The following FAM110B variants were observed in gnomAD, a reference collection of about 807,000 sequenced individuals.
FAM110B encodes protein FAM110B.
FAM110B carries 6 observed loss-of-function variants against 20.4 expected under a neutral mutation model. The observed-to-expected ratio is 0.29, with a 90% CI of 0.16 to 0.58. The LOEUF is 0.58. Ranked by LOEUF, FAM110B falls within the 20% of genes least tolerant of loss-of-function variation. The pLI is 0.90. For missense variants in FAM110B, 434 were observed against 498.2 expected (o/e 0.87, Z 1.23); for synonymous variants, 226 against 214.1 (o/e 1.06, Z -0.49).
chr8:58,087,659 C>T (rs1259162441), intron 3 of FAM110B, among the ~76,000 whole-genome samples: 1 of 152,152 alleles, frequency 6.6e-6, no homozygotes, highest in East Asian at 1.9e-4. Flanking sequence ...GATTTTCAAA[C>T]CCTGTTCCCT....
chr8:58,089,141 A>G (rs188185244), intron 3 of FAM110B, among the ~76,000 whole-genome samples: 196 of 152,344 alleles, frequency 1.3e-3, no homozygotes, highest in African/African-American at 4.5e-3. Flanking sequence ...ACATTTTTGC[A>G]TCAGCCACAT....
chr8:58,141,800 C>T (rs1472076129), intron 3 of FAM110B, among the ~76,000 whole-genome samples: 1 of 152,202 alleles, frequency 6.6e-6, no homozygotes, highest in Non-Finnish European at 1.5e-5. Flanking sequence ...CCACATTCCC[C>T]ATGGCAGCCC....
At chr8:58,124,038 C>T (rs1024604366) in intron 3 of FAM110B, among the ~76,000 whole-genome samples, 1 of 152,186 alleles carries the variant, frequency 6.6e-6, no homozygotes, top group African/African-American at 2.4e-5. Flanking sequence ...GCCTACTTTA[C>T]CCTGTTTCCC....
intron 3 of FAM110B, among the ~76,000 whole-genome samples, chr8:58,109,429 T>C (rs1367535113): frequency 1.3e-5 from 2 of 152,192 alleles, no homozygotes; most frequent in African/African-American, 4.8e-5. Flanking sequence ...CCCCAGGGCT[T>C]ACTTTTTGGT....
chr8:58,021,991 G>C (rs1804765234), intron 1 of FAM110B, among the ~76,000 whole-genome samples: 1 of 152,180 alleles, frequency 6.6e-6, no homozygotes, highest in Admixed American at 6.5e-5. Context: ...CCAGTGTTGA[G>C]AGTTTCTGGG....
intron 1 of FAM110B, among the ~76,000 whole-genome samples, chr8:58,008,320 G>T (rs192462792): frequency 2.0e-5 from 3 of 151,596 alleles, no homozygotes; most frequent in Admixed American, 6.6e-5. Context: ...TTTAGTAGAG[G>T]CAGGGTTTCA....
In FAM110B at chr8:58,146,047, G is replaced by T. The variant is rs914919243; in HGVS notation, c.-184G>T. On this transcript the variant is annotated 5_prime_UTR_variant, in exon 4 of 4. Transcript: ENST00000519262. Reference sequence around the variant, plus strand: ...GGGCCGCCTGGAAGGGGAGAAAAGTGTATGAAAGCCACCGTGGCGGTTAAT... The same window carrying T: ...GGGCCGCCTGGAAGGGGAGAAAAGTTTATGAAAGCCACCGTGGCGGTTAAT... 9.3e-6 allele frequency: 6 copies of T among 644,556 alleles called. No homozygotes were observed. Among genetic ancestry groups the T allele is most frequent in the Admixed American group, 6.5e-5 (2 of 30,844 alleles). The allele number at this position is 644,556 out of a possible 1,614,324, so 39.9% of individuals were successfully genotyped here.
At chr8:58,032,151 A>AACTGGGAGTTC (rs1242278491) in intron 2 of FAM110B, 1 of 152,204 alleles carries the variant, frequency 6.6e-6, no homozygotes. Context: ...CAGCCCTCTG[A>AACTGGGAGTTC]ACTTGCCTGG....
Position 58,104,962 on chromosome 8 carries a change from GA to G in FAM110B, c.-325+29354del, listed in dbSNP as rs374878667. 7.1e-3 allele frequency among the ~76,000 whole-genome samples: 892 copies of G among 125,948 alleles called. 3 individuals carry two copies. The highest frequency in any genetic ancestry group is 0.033 in the Middle Eastern group (8 of 244). The allele number at this position is 125,948 out of a possible 152,430, so 82.6% of individuals were successfully genotyped here. ...TTTCTGTAGTAGCAGTTCTTTAAAG[GA>G]AAAAAAAAAAAAAAGGATTTCTTTT... On this transcript the variant is annotated intron_variant, in intron 3 of 3. Transcript: ENST00000519262.
Position 58,048,415 on chromosome 8 carries a change from C to G in FAM110B, c.-414+16712C>G, listed in dbSNP as rs192457919. On this transcript the variant is annotated intron_variant, in intron 2 of 3. Coordinates refer to ENST00000519262, the MANE Select transcript of FAM110B (RefSeq NM_001377989.1). ...GGGAATTTCCCATTATTGGGGTTTC[C>G]TCAGGCCCCAACCCTCCTGTCTCTT... Among the ~76,000 whole-genome samples the G allele has an allele frequency of 3.7e-4, 56 of 152,156 alleles. 1 individual carries two copies. The highest frequency in any genetic ancestry group is 4.4e-5 in the Non-Finnish European group (3 of 67,992).
chr8:57,998,710 A>G (rs1804232425), intron 1 of FAM110B, among the ~76,000 whole-genome samples: 1 of 152,232 alleles, frequency 6.6e-6, no homozygotes, highest in Admixed American at 6.5e-5. Flanking sequence ...TGCATGAAAG[A>G]TTTTGGGGAA....
At chr8:58,125,556 G>A (rs1807477489) in intron 3 of FAM110B, among the ~76,000 whole-genome samples, 1 of 152,000 alleles carries the variant, frequency 6.6e-6, no homozygotes, top group South Asian at 2.1e-4. Context: ...AAGACTTTTT[G>A]TTCAAAAAGA....
chr8:58,094,608 C>T (rs778897488), intron 3 of FAM110B, among the ~76,000 whole-genome samples: 3 of 152,136 alleles, frequency 2.0e-5, no homozygotes, highest in Non-Finnish European at 2.9e-5. Context: ...CCTACCTGAT[C>T]GTGATGGATA....
At chr8:58,041,316 TGTTCG>T (rs1805215750) in intron 2 of FAM110B, among the ~76,000 whole-genome samples, 2 of 152,182 alleles carry the variant, frequency 1.3e-5, no homozygotes, top group African/African-American at 4.8e-5. Context: ...TTAGTCGCAG[TGTTCG>T]TTCCAGCAAG....
chr8:58,070,957 C>A (rs994355693), intron 2 of FAM110B, among the ~76,000 whole-genome samples: 2 of 152,050 alleles, frequency 1.3e-5, no homozygotes, highest in East Asian at 1.9e-4. Context: ...TCCCATTCTG[C>A]CAGAGATATT....
At chr8:58,001,536 T>C (rs1240187191) in intron 1 of FAM110B, among the ~76,000 whole-genome samples, 1 of 152,188 alleles carries the variant, frequency 6.6e-6, no homozygotes, top group Non-Finnish European at 1.5e-5. Flanking sequence ...GTATTTTTCA[T>C]TCCAGGATTC....
chr8:58,027,755 G>A (rs35124619), intron 1 of FAM110B, among the ~76,000 whole-genome samples: 28,792 of 152,044 alleles, frequency 0.19, 3,838 homozygotes, highest in African/African-American at 0.37. Flanking sequence ...ATTGCTTTAC[G>A]TTGTTGTATA....
chr8:58,117,983 C>T (rs1243301250), intron 3 of FAM110B, among the ~76,000 whole-genome samples: 5 of 152,162 alleles, frequency 3.3e-5, no homozygotes, highest in African/African-American at 1.2e-4. Context: ...AATTATACAA[C>T]ACTGTCAAAT....
intron 3 of FAM110B, among the ~76,000 whole-genome samples, chr8:58,087,893 C>T (rs1467444137): frequency 6.6e-6 from 1 of 152,102 alleles, no homozygotes; most frequent in East Asian, 1.9e-4. Flanking sequence ...ATCAATTGAA[C>T]TAATATAAAC....
Sources: gnomAD v4.1 joint callset for allele counts (sites outside exome capture counted in the v4.1 genomes callset) on GRCh38, gnomAD v4.1.1 for gene constraint, MANE v1.5 for transcripts, NCBI Gene and HGNC (gene_info 2026-07-23, HGNC 2026-07-21) for gene names.